CLPTM1: variants seen among roughly 807,000 people sequenced by gnomAD.
The protein encoded by CLPTM1 is CLPTM1 regulator of GABA type A receptor forward trafficking, also known as putative lipid scramblase CLPTM1.
A neutral mutation model predicts 77.3 loss-of-function variants in CLPTM1; 21 were observed. That is an observed-to-expected ratio of 0.27 (90% CI 0.19 to 0.39). The LOEUF is 0.39. CLPTM1 is among the 10% of genes least tolerant of loss of function. The pLI, the probability that CLPTM1 is intolerant of heterozygous loss-of-function variation, is 1.00. For missense variants in CLPTM1, 642 were observed against 921.2 expected (o/e 0.70, Z 3.92); for synonymous variants, 373 against 381.0 (o/e 0.98, Z 0.24).
intron 2 of CLPTM1, among the ~76,000 whole-genome samples, chr19:44,971,688 A>G (rs954205878): frequency 6.6e-6 from 1 of 151,850 alleles, no homozygotes; most frequent in Non-Finnish European, 1.5e-5. Flanking sequence ...TCCCCCAAGT[A>G]GCTGGGACTA....
intron 3 of CLPTM1, among the ~76,000 whole-genome samples, chr19:44,974,006 T>C (rs566045871): frequency 9.3e-4 from 142 of 152,130 alleles, no homozygotes; most frequent in African/African-American, 3.3e-3. Context: ...TCAAGTGGTC[T>C]ACCCGCCTTG....
chr19:44,955,644 C>A, intron 1 of CLPTM1, 177 bp downstream of exon 1: 1 of 557,004 alleles, frequency 1.8e-6, no homozygotes, highest in Non-Finnish European at 2.7e-6. Flanking sequence ...GTGCCGGGAA[C>A]AGGGCCCTGT....
At chr19:44,963,599 A>G (rs1043368645) in intron 2 of CLPTM1, among the ~76,000 whole-genome samples, 13 of 151,822 alleles carry the variant, frequency 8.6e-5, no homozygotes, top group Admixed American at 2.6e-4. Flanking sequence ...TGCTGCGATT[A>G]CAGGTGTGAG....
chr19:44,958,123 G>A (rs750984000), intron 1 of CLPTM1, among the ~76,000 whole-genome samples: 69 of 152,308 alleles, frequency 4.5e-4, no homozygotes, highest in Admixed American at 8.5e-4. Flanking sequence ...TCTCTGAGGA[G>A]GTGACGCTTG....
chr19:44,964,284 G>C (rs1450030460), intron 2 of CLPTM1, among the ~76,000 whole-genome samples: 1 of 73,176 alleles, frequency 1.4e-5, no homozygotes, highest in African/African-American at 4.7e-5. Flanking sequence ...TTTAACCTAT[G>C]TTTTCATTTT....
chr19:44,985,936 G>A (rs552229904), intron 6 of CLPTM1, among the ~76,000 whole-genome samples: 12 of 152,256 alleles, frequency 7.9e-5, no homozygotes, highest in African/African-American at 2.9e-4. Flanking sequence ...CTCTACCTCG[G>A]TTTTCTACAT....
intron 1 of CLPTM1, among the ~76,000 whole-genome samples, chr19:44,959,653 C>G (rs894334733): frequency 6.6e-6 from 1 of 152,240 alleles, no homozygotes; most frequent in African/African-American, 2.4e-5. Flanking sequence ...TGCGCCTGGT[C>G]TGGCTTCATG....
chr19:44,992,462 G>T lies in CLPTM1; in HGVS notation c.1723+62G>T, dbSNP rs976735543. ...ACAGGGCCCTGAGGCAGTCTTTAGG[G>T]CCCAGGCCTGAGGGGGTGCCACGGC... On this transcript the variant is annotated intron_variant, in intron 13 of 13. Coordinates refer to ENST00000337392, the MANE Select transcript of CLPTM1 (RefSeq NM_001294.4). The surrounding 1 kb of genome is among the most constrained non-coding windows in gnomAD (Gnocchi z 7.7). 8.1e-6 allele frequency: 13 copies of T among 1,605,930 alleles called. No individual in the cohort carries two copies. Among genetic ancestry groups the T allele is most frequent in the African/African-American group, 2.7e-5 (2 of 74,732 alleles).
rs1970793019 is a variant in CLPTM1, at chr19:44,975,558, T to G, written c.468+961T>G. ...AATGTGGACACAGTCATTCTGGTTT[T>G]TTTTTTTGTTTTTTGTTTTTTTTTG... On this transcript the variant is annotated intron_variant, in intron 4 of 13. Coordinates refer to ENST00000337392, the MANE Select transcript of CLPTM1 (RefSeq NM_001294.4). Among the ~76,000 whole-genome samples, 9 of 151,750 alleles carry G rather than the reference T, an allele frequency of 5.9e-5. No individual in the cohort carries two copies. The South Asian group carries it at 1.9e-3, about 32-fold the overall frequency.
rs1281944245 is a variant in CLPTM1, at chr19:44,993,334, T to TA, written c.*440dup. 1 of 368,478 alleles carries TA rather than the reference T, an allele frequency of 2.7e-6. No homozygotes were observed. Among genetic ancestry groups the TA allele is most frequent in the Non-Finnish European group, 5.4e-6 (1 of 186,508 alleles). 22.8% of individuals were successfully genotyped at this position (368,478 alleles called of 1,614,324 possible). A position where few individuals can be genotyped will look rare whatever the true frequency, so the allele number is the denominator to read the frequency against. On this transcript the variant is annotated 3_prime_UTR_variant, in exon 14 of 14. Transcript: ENST00000337392. The stretch of plus-strand genomic sequence containing the variant: ...AATAAATTCATATGGGTGTTTAACT[T>TA]AAACTCAGCACTGCCCCTCCTCCTC...
At chr19:44,978,404 C>T (rs1278724179) in intron 5 of CLPTM1, among the ~76,000 whole-genome samples, 2 of 111,966 alleles carry the variant, frequency 1.8e-5, no homozygotes, top group South Asian at 3.3e-4. Context: ...ACTCCGTCTC[C>T]GTCTCAAAAA....
rs1029661608 is a variant in CLPTM1, at chr19:44,955,416, G to T, written c.21G>T (p.Ala7=). MAAAQE[A]DGARSAVVAA... ...GGAAGATGGCGGCGGCGCAGGAGGC[G>T]GACGGGGCCCGCAGCGCCGTGGTGG... The change falls in exon 1 of 14, where the codon GCG becomes GCT. Residue 7 remains alanine (A), a synonymous_variant. Transcript: ENST00000337392. The T allele has an allele frequency of 1.3e-5, 18 of 1,337,980 alleles. No individual in the cohort carries two copies. Among genetic ancestry groups the T allele is most frequent in the African/African-American group, 1.5e-5 (1 of 64,600 alleles). The allele number at this position is 1,337,980 out of a possible 1,614,324, so 82.9% of individuals were successfully genotyped here. A position where few individuals can be genotyped will look rare whatever the true frequency, so the allele number is the denominator to read the frequency against.
At position 44,993,107 on chromosome 19, in the gene CLPTM1, G is replaced by C; in HGVS notation, c.*210G>C. The stretch of plus-strand genomic sequence containing the variant: ...GCGCTGTCTGTCCCTCTGTCCCTCT[G>C]TGTTTCCAGCCATCTCGCCCTGCCA... On this transcript the variant is annotated 3_prime_UTR_variant, in exon 14 of 14. Transcript: ENST00000337392. The C allele has an allele frequency of 3.2e-6, 2 of 624,578 alleles. No homozygotes were observed. Among genetic ancestry groups the C allele is most frequent in the Non-Finnish European group, 5.9e-6 (2 of 337,288 alleles). 38.7% of individuals were successfully genotyped at this position (624,578 alleles called of 1,614,324 possible). A position where few individuals can be genotyped will look rare whatever the true frequency, so the allele number is the denominator to read the frequency against.
In CLPTM1 at chr19:44,990,371, T is replaced by C. The variant is rs374884820; in HGVS notation, c.1133-24T>C. The C allele has an allele frequency of 1.2e-6, 2 of 1,608,816 alleles. No homozygotes were observed. Among genetic ancestry groups the C allele is most frequent in the Admixed American group, 1.7e-5 (1 of 59,844 alleles). ...TCTCAGCACCTCCTCAGCCTCCTGG[T>C]TCCCCCCTACCCCCTGCGCACAGAT... is the stretch of plus-strand genomic sequence containing the variant. On this transcript the variant is annotated intron_variant, in intron 9 of 13. Coordinates refer to ENST00000337392, the MANE Select transcript of CLPTM1 (RefSeq NM_001294.4). This position sits in a 1 kb window ranked among gnomAD's most constrained non-coding sequence, Gnocchi z 4.8.
At chr19:44,965,298 G>C (rs1970609474) in intron 2 of CLPTM1, among the ~76,000 whole-genome samples, 1 of 151,570 alleles carries the variant, frequency 6.6e-6, no homozygotes, top group Admixed American at 6.6e-5. Context: ...AAGAGATCGA[G>C]ACCATCCTGG....
chr19:44,969,756 C>T (rs558428633), intron 2 of CLPTM1, among the ~76,000 whole-genome samples: 27 of 149,214 alleles, frequency 1.8e-4, no homozygotes, highest in Admixed American at 1.5e-3. Flanking sequence ...GGCATGATCT[C>T]GGCTCACTGC....
chr19:44,989,020 A>G (rs1163367363), intron 9 of CLPTM1, among the ~76,000 whole-genome samples: 4 of 151,938 alleles, frequency 2.6e-5, no homozygotes, highest in Admixed American at 1.3e-4. Context: ...TTTCTACACA[A>G]TTTTTTTTAA....
chr19:44,992,187 G>T lies in CLPTM1; in HGVS notation c.1556-46G>T. ...TGGCCAGTGCAGAGTGCACAGGGGA[G>T]AGGTGGGAGAGGCCATCCCTCTGCT... On this transcript the variant is annotated intron_variant, in intron 12 of 13. Transcript: ENST00000337392. This position sits in a 1 kb window ranked among gnomAD's most constrained non-coding sequence, Gnocchi z 7.7. 6.2e-7 allele frequency: 1 copy of T among 1,605,806 alleles called. No homozygotes were observed. The highest frequency in any genetic ancestry group is 1.1e-5 in the South Asian group (1 of 90,516).
intron 5 of CLPTM1, among the ~76,000 whole-genome samples, chr19:44,981,582 G>A (rs373793284): frequency 1.3e-5 from 2 of 151,874 alleles, no homozygotes; most frequent in Admixed American, 6.6e-5. Context: ...GCAACAAAGC[G>A]AGACCCTGTC....
Sources: allele counts gnomAD v4.1 joint callset (sites outside exome capture counted in the v4.1 genomes callset), GRCh38; gene constraint gnomAD v4.1.1; non-coding constraint Gnocchi (gnomAD v3.1); transcripts MANE v1.5; gene names NCBI Gene and HGNC (gene_info 2026-07-23, HGNC 2026-07-21).